Variants in IPO9 observed in about 807,000 individuals in gnomAD.
IPO9 encodes importin-9.
In IPO9, 28 loss-of-function variants were observed where a neutral mutation model predicts 128.6. The observed-to-expected ratio is 0.22, with a 90% CI of 0.16 to 0.30. IPO9 has a LOEUF of 0.30. IPO9 is among the 10% of genes least tolerant of loss of function. IPO9 has a pLI of 1.00. For synonymous variants in IPO9, 455 were observed against 475.8 expected (o/e 0.96, Z 0.57); for missense variants, 935 against 1,293.9 (o/e 0.72, Z 4.26).
rs1430093327 is a variant in IPO9 at position 201,871,156 on chromosome 1, C to T, written c.2410-5C>T. 1 of 1,610,992 alleles carries T rather than the reference C, an allele frequency of 6.2e-7. No individual in the cohort carries two copies. On this transcript the variant is annotated splice_polypyrimidine_tract_variant and splice_region_variant and intron_variant, in intron 18 of 23. Transcript: ENST00000361565. ...CCTGAAGCAAATGTCCTTATTTTCT[C>T]CTAGTCCCTGATCATGGTGTTCGCT...
chr1:201,857,795 CAA>C (rs34460064), intron 11 of IPO9, among the ~76,000 whole-genome samples: 46 of 124,364 alleles, frequency 3.7e-4, no homozygotes, highest in Admixed American at 5.7e-4. Context: ...AACTTGGTCT[CAA>C]AAAAAAAAAA....
rs1383790033 is a variant in IPO9, at chr1:201,870,385, A to C, written c.2134-198A>C. On this transcript the variant is annotated intron_variant, in intron 17 of 23. Coordinates refer to ENST00000361565, the MANE Select transcript of IPO9 (RefSeq NM_018085.5). This position sits in a 1 kb window ranked among gnomAD's most constrained non-coding sequence, Gnocchi z 4.9. ...ATTTGTGAGATAGCTGATTAGGTAAAGGGGGAATTATGTAATGCACGTCTA... is the reference window on the plus strand; with the variant it reads ...ATTTGTGAGATAGCTGATTAGGTAACGGGGGAATTATGTAATGCACGTCTA... Among the ~76,000 whole-genome samples the C allele has an allele frequency of 1.3e-5, 2 of 152,202 alleles. No individual in the cohort carries two copies. The highest frequency in any genetic ancestry group is 4.8e-5 in the African/African-American group (2 of 41,442).
chr1:201,836,920 AATG>A lies in IPO9; in HGVS notation c.163+7555_163+7557del, dbSNP rs542437858. The stretch of plus-strand genomic sequence containing the variant: ...ATTTTAAAATTTGTCTTTAGTTAAC[AATG>A]ATGATGTTATTTGAAGATTTTCTTT... On this transcript the variant is annotated intron_variant, in intron 1 of 23. Coordinates refer to ENST00000361565, the MANE Select transcript of IPO9 (RefSeq NM_018085.5). 3.4e-3 allele frequency among the ~76,000 whole-genome samples: 513 copies of A among 152,340 alleles called. 3 individuals are homozygous for A. The highest frequency in any genetic ancestry group is 6.2e-3 in the Non-Finnish European group (419 of 68,020).
chr1:201,834,938 T>C (rs1425911575), intron 1 of IPO9: 1 of 152,436 alleles, frequency 6.6e-6, no homozygotes, highest in Non-Finnish European at 1.5e-5. Flanking sequence ...TGGGCACTTT[T>C]CTGGCTCTTT....
chr1:201,833,339 AG>A (rs368737070), intron 1 of IPO9, among the ~76,000 whole-genome samples: 326 of 151,728 alleles, frequency 2.1e-3, no homozygotes, highest in Non-Finnish European at 4.1e-3. Context: ...CCTAGATTCA[AG>A]TGATTCTCAT....
chr1:201,864,318 A>G (rs1428616165), intron 14 of IPO9, among the ~76,000 whole-genome samples: 1 of 152,244 alleles, frequency 6.6e-6, no homozygotes, highest in Non-Finnish European at 1.5e-5. Flanking sequence ...TGTTATGACC[A>G]TAAACACCGT....
At chr1:201,854,502 T>C in intron 6 of IPO9, 93 bp from the exon 7 acceptor site, 1 of 1,492,362 alleles carries the variant, frequency 6.7e-7, no homozygotes. Context: ...GAAGAGAGCT[T>C]TAGGTGCCTT....
At chr1:201,846,140 A>T (rs1473218846) in intron 1 of IPO9, among the ~76,000 whole-genome samples, 1 of 152,340 alleles carries the variant, frequency 6.6e-6, no homozygotes, top group African/African-American at 2.4e-5. Flanking sequence ...ATCATTTTTT[A>T]AAAATAAATT....
chr1:201,867,452 C>T (rs1680574483), intron 15 of IPO9, among the ~76,000 whole-genome samples: 1 of 151,804 alleles, frequency 6.6e-6, no homozygotes, highest in Admixed American at 6.6e-5. Context: ...TACTGTGCAG[C>T]CATTAAAAAT....
In IPO9 at chr1:201,870,484, G is replaced by A; in HGVS notation, c.2134-99G>A. 1 of 1,344,814 alleles carries A rather than the reference G, an allele frequency of 7.4e-7. No homozygotes were observed. The highest frequency in any genetic ancestry group is 1.0e-6 in the Non-Finnish European group (1 of 993,636). 83.3% of individuals were successfully genotyped at this position (1,344,814 alleles called of 1,614,324 possible). On this transcript the variant is annotated intron_variant, in intron 17 of 23. Transcript: ENST00000361565. The surrounding 1 kb of genome is among the most constrained non-coding windows in gnomAD (Gnocchi z 4.9). Reference sequence around the variant, plus strand: ...AACATTATAGACTCACCGCTTTTATGAGGCATAGGCCTCTGGGAACATTTG... The same window carrying A: ...AACATTATAGACTCACCGCTTTTATAAGGCATAGGCCTCTGGGAACATTTG...
Position 201,858,875 on chromosome 1 carries a change from G to A in IPO9, c.1349G>A (p.Cys450Tyr). The A allele has an allele frequency of 6.2e-7, 1 of 1,607,108 alleles. No individual in the cohort carries two copies. The highest frequency in any genetic ancestry group is 8.5e-7 in the Non-Finnish European group (1 of 1,174,388). Residue 450 changes from cysteine to tyrosine, a missense_variant, in exon 13 of 24, where the codon TGC (cysteine) becomes TAC (tyrosine). Physicochemically the swap from Cys to Tyr is radical, Grantham distance 194. Around this residue, in one of 3 missense-constraint regions of IPO9, gnomAD observed 741 missense variants for 1,019.1 expected, o/e 0.73. Transcript: ENST00000361565. ...TEHWWKIHEA[C>Y]MLALGSVKAI... The stretch of plus-strand genomic sequence containing the variant: ...CACAGGTGGAAGATCCATGAGGCAT[G>A]CATGCTTGCCCTAGGCTCAGTGAAG...
At position 201,829,163 on chromosome 1, in the gene IPO9, C is replaced by T; in HGVS notation, c.-47C>T. On this transcript the variant is annotated 5_prime_UTR_variant, in exon 1 of 24. Transcript: ENST00000361565. ...TTGGCCGCGCGCGGGGGCCGTCATTCGGTGGCGGGTCCCGGCCGCGGGGCT... is the reference window on the plus strand; with the variant it reads ...TTGGCCGCGCGCGGGGGCCGTCATTTGGTGGCGGGTCCCGGCCGCGGGGCT... The T allele has an allele frequency of 7.1e-7, 1 of 1,414,588 alleles. No homozygotes were observed. The highest frequency in any genetic ancestry group is 9.2e-7 in the Non-Finnish European group (1 of 1,087,852). The allele number at this position is 1,414,588 out of a possible 1,614,324, so 87.6% of individuals were successfully genotyped here. A position where few individuals can be genotyped will look rare whatever the true frequency, so the allele number is the denominator to read the frequency against.
chr1:201,829,503 G>A, intron 1 of IPO9, 131 bp downstream of exon 1: 1 of 836,850 alleles, frequency 1.2e-6, no homozygotes, highest in South Asian at 2.6e-5. Flanking sequence ...AGCAGGAAGC[G>A]AGAGATTGAT....
rs1236302456 is a variant in IPO9 at position 201,870,915 on chromosome 1, C to A, written c.2409+57C>A. ...TCCCTGGCTGATAGAAATGAAAATT[C>A]GTATTTTGGTCCTGAGTTATTTTAT... is the stretch of plus-strand genomic sequence containing the variant. On this transcript the variant is annotated intron_variant, in intron 18 of 23. Coordinates refer to ENST00000361565, the MANE Select transcript of IPO9 (RefSeq NM_018085.5). The surrounding 1 kb of genome is among the most constrained non-coding windows in gnomAD (Gnocchi z 4.9). The A allele has an allele frequency of 1.3e-6, 2 of 1,491,076 alleles. No individual in the cohort carries two copies. The highest frequency in any genetic ancestry group is 1.8e-4 in the Middle Eastern group (1 of 5,662). The allele number at this position is 1,491,076 out of a possible 1,614,324, so 92.4% of individuals were successfully genotyped here.
rs774294302 is a variant in IPO9 at position 201,875,146 on chromosome 1, T to G, written c.2939-6T>G. On this transcript the variant is annotated splice_polypyrimidine_tract_variant and splice_region_variant and intron_variant, in intron 22 of 23. Transcript: ENST00000361565. Reference sequence around the variant, plus strand: ...TGACCCGCCCTGTGTTGGCTATGTCTAACAGAGGAGGATTACTACGAGGAT... The same window carrying G: ...TGACCCGCCCTGTGTTGGCTATGTCGAACAGAGGAGGATTACTACGAGGAT... 4 of 1,613,358 alleles carry G rather than the reference T, an allele frequency of 2.5e-6. No individual in the cohort carries two copies. The South Asian group carries it at 4.4e-5, about 18-fold the overall frequency.
At chr1:201,843,170 A>G (rs1350944100) in intron 1 of IPO9, among the ~76,000 whole-genome samples, 1 of 152,198 alleles carries the variant, frequency 6.6e-6, no homozygotes, top group Non-Finnish European at 1.5e-5. Flanking sequence ...GTGCAGAACT[A>G]GTGGGCTATT....
At chr1:201,867,334 G>GAT (rs1680571718) in intron 15 of IPO9, among the ~76,000 whole-genome samples, 1 of 151,954 alleles carries the variant, frequency 6.6e-6, no homozygotes, top group Non-Finnish European at 1.5e-5. Flanking sequence ...ACTAAAGAAA[G>GAT]ATATATGGAA....
intron 9 of IPO9, 131 bp from the exon 10 acceptor site, chr1:201,855,651 TC>T: frequency 1.3e-6 from 1 of 782,744 alleles, no homozygotes; most frequent in South Asian, 1.9e-5. Flanking sequence ...CTCTCCCAAT[TC>T]CTCAGGAATG....
intron 4 of IPO9, among the ~76,000 whole-genome samples, chr1:201,850,023 TC>T (rs1349095130): frequency 7.9e-5 from 12 of 152,224 alleles, no homozygotes; most frequent in Non-Finnish European, 1.3e-4. Context: ...CTCTCAGTCT[TC>T]CAAGATGAAA....
Sources: gnomAD v4.1 joint callset for allele counts (sites outside exome capture counted in the v4.1 genomes callset) on GRCh38, gnomAD v4.1.1 for gene constraint, gnomAD v4.1.1 regional missense constraint, Gnocchi (gnomAD v3.1) non-coding constraint, MANE v1.5 for transcripts, NCBI Gene and HGNC (gene_info 2026-07-23, HGNC 2026-07-21) for gene names.